Variants in ADGRD1 observed in about 807,000 individuals in gnomAD.
The protein encoded by ADGRD1 is G-protein coupled receptor 133.
Under a neutral mutation model 113.4 loss-of-function variants are expected in ADGRD1, and 77 were observed. That is an observed-to-expected ratio of 0.68 (90% CI 0.57 to 0.82). The LOEUF (loss-of-function observed/expected upper bound fraction) is 0.82. ADGRD1 is among the 40% of genes least tolerant of loss of function. The pLI, the probability that ADGRD1 is intolerant of heterozygous loss-of-function variation, is 0.00. For synonymous variants in ADGRD1, 474 were observed against 475.0 expected (o/e 1.00, Z 0.03); for missense variants, 1,036 against 1,139.1 (o/e 0.91, Z 1.30).
At position 131,022,954 on chromosome 12, in the gene ADGRD1, A is replaced by C. The variant is rs949710036; in HGVS notation, c.1473+8614A>C. 4 of 151,704 alleles carry C rather than the reference A, an allele frequency of 2.6e-5. No individual in the cohort carries two copies. Among genetic ancestry groups the C allele is most frequent in the Non-Finnish European group, 5.9e-5 (4 of 67,948 alleles). 9.4% of individuals were successfully genotyped at this position (151,704 alleles called of 1,614,324 possible). On this transcript the variant is annotated intron_variant, in intron 13 of 24. Coordinates refer to ENST00000261654, the MANE Select transcript of ADGRD1 (RefSeq NM_198827.5). The surrounding 1 kb of genome is among the most constrained non-coding windows in gnomAD (Gnocchi z 4.6). ...TGTTGCAAACTAGGATTGCATTCTG[A>C]TACCTGTTTCTGGTCTAAGACTGTG...
At chr12:131,095,960 G>A (rs1481659425) in intron 15 of ADGRD1, among the ~76,000 whole-genome samples, 1 of 152,094 alleles carries the variant, frequency 6.6e-6, no homozygotes, top group Non-Finnish European at 1.5e-5. Context: ...ACAGAAGGCA[G>A]AGTGTGGAAA....
chr12:131,006,061 G>A lies in ADGRD1; in HGVS notation c.1331+14G>A. 6.2e-7 allele frequency: 1 copy of A among 1,611,174 alleles called. No homozygotes were observed. The highest frequency in any genetic ancestry group is 8.5e-7 in the Non-Finnish European group (1 of 1,178,714). On this transcript the variant is annotated intron_variant, in intron 12 of 24. Coordinates refer to ENST00000261654, the MANE Select transcript of ADGRD1 (RefSeq NM_198827.5). ...CGCCCACACCAAGTGAGTCTCGGGG[G>A]TGCTCAGCTCAGGGGCGTGGGTGTG...
At chr12:131,104,419 G>A (rs1260149292) in intron 15 of ADGRD1, among the ~76,000 whole-genome samples, 1 of 152,204 alleles carries the variant, frequency 6.6e-6, no homozygotes, top group African/African-American at 2.4e-5. Context: ...TCACAGCCGA[G>A]TGTCACATGG....
At chr12:131,013,521 G>T (rs536580860) in intron 12 of ADGRD1, among the ~76,000 whole-genome samples, 34 of 152,278 alleles carry the variant, frequency 2.2e-4, no homozygotes, top group African/African-American at 8.2e-4. Context: ...TGGATTGGGT[G>T]TCATTCCTAA....
chr12:131,019,333 C>T (rs983748872), intron 13 of ADGRD1, among the ~76,000 whole-genome samples: 1 of 152,170 alleles, frequency 6.6e-6, no homozygotes, highest in African/African-American at 2.4e-5. Flanking sequence ...GAGGCCTTTC[C>T]AGCAGTTCCA....
At chr12:131,000,610 G>A (rs947304747) in intron 9 of ADGRD1, among the ~76,000 whole-genome samples, 168 bp downstream of exon 9, 2 of 151,920 alleles carry the variant, frequency 1.3e-5, no homozygotes, top group Admixed American at 6.6e-5. Context: ...GCGTGGTGGC[G>A]GGCACCTGTA....
At chr12:131,048,044 C>A (rs1883016726) in intron 13 of ADGRD1, among the ~76,000 whole-genome samples, 1 of 152,196 alleles carries the variant, frequency 6.6e-6, no homozygotes, top group Non-Finnish European at 1.5e-5. Flanking sequence ...GGGTTGGGGG[C>A]TTCACATGTG....
At chr12:131,088,928 CAG>C (rs1593192968) in intron 15 of ADGRD1, among the ~76,000 whole-genome samples, 1 of 152,166 alleles carries the variant, frequency 6.6e-6, no homozygotes, top group East Asian at 1.9e-4. Flanking sequence ...TGTGAAGATG[CAG>C]ACCCCACATT....
At chr12:131,028,068 G>A (rs1387007125) in intron 13 of ADGRD1, 1 of 152,178 alleles carries the variant, frequency 6.6e-6, no homozygotes, top group African/African-American at 2.4e-5. Context: ...CTTCTCCAGA[G>A]CGGGCACTGG....
chr12:131,087,359 G>C (rs903958715), intron 15 of ADGRD1, among the ~76,000 whole-genome samples: 6 of 152,172 alleles, frequency 3.9e-5, no homozygotes, highest in Non-Finnish European at 8.8e-5. Context: ...ACGTGCTTTG[G>C]AGCCTGGACC....
chr12:130,987,751 G>A (rs564024319), intron 6 of ADGRD1: 5 of 226,762 alleles, frequency 2.2e-5, no homozygotes, highest in Admixed American at 1.0e-4. Context: ...GCAGTTGTTC[G>A]GGGCAGGGGC....
chr12:131,118,836 G>A (rs1310574387), intron 19 of ADGRD1, among the ~76,000 whole-genome samples: 1 of 152,216 alleles, frequency 6.6e-6, no homozygotes, highest in Admixed American at 6.5e-5. Flanking sequence ...TGTGCAGACC[G>A]TGTGCCCAGT....
At chr12:131,109,499 C>T (rs771092376) in intron 18 of ADGRD1, among the ~76,000 whole-genome samples, 3 of 152,060 alleles carry the variant, frequency 2.0e-5, no homozygotes, top group Non-Finnish European at 2.9e-5. Flanking sequence ...TTATTTGACC[C>T]ATTGATTATT....
rs1443034229 is a variant in ADGRD1, at chr12:131,060,424, A to G, written c.1474-16377A>G. ...GCAAATAATCCACGCAGGCAGCGAC[A>G]GCAGGGGTCATGTTCAAAAGACCCA... On this transcript the variant is annotated intron_variant, in intron 13 of 24. Transcript: ENST00000261654. This position sits in a 1 kb window ranked among gnomAD's most constrained non-coding sequence, Gnocchi z 4.4. Among the ~76,000 whole-genome samples, 2 of 152,230 alleles carry G rather than the reference A, an allele frequency of 1.3e-5. No individual in the cohort carries two copies. The highest frequency in any genetic ancestry group is 2.9e-5 in the Non-Finnish European group (2 of 68,036).
intron 16 of ADGRD1, 54 bp from the exon 17 acceptor site, chr12:131,105,700 T>C (rs914224938): frequency 1.4e-6 from 2 of 1,404,996 alleles, no homozygotes; most frequent in African/African-American, 1.4e-5. Flanking sequence ...GAGCCCAGCC[T>C]GGGGGACTGG....
intron 20 of ADGRD1, among the ~76,000 whole-genome samples, chr12:131,129,357 G>A: frequency 7.4e-6 from 1 of 135,888 alleles, no homozygotes; most frequent in South Asian, 2.5e-4. Flanking sequence ...GGGTGTGAGT[G>A]ACAGGCTGGC....
At chr12:131,047,084 G>A (rs1262359970) in intron 13 of ADGRD1, among the ~76,000 whole-genome samples, 2 of 150,330 alleles carry the variant, frequency 1.3e-5, no homozygotes, top group Non-Finnish European at 3.0e-5. Context: ...TCCCTGGTCA[G>A]TGCTCCCTCC....
At chr12:131,072,277 C>A in intron 13 of ADGRD1, among the ~76,000 whole-genome samples, 1 of 152,172 alleles carries the variant, frequency 6.6e-6, no homozygotes, top group East Asian at 1.9e-4. Flanking sequence ...CCAGTTCACA[C>A]TGGATGGTGG....
At chr12:131,086,987 C>T (rs1364588186) in intron 15 of ADGRD1, among the ~76,000 whole-genome samples, 1 of 152,192 alleles carries the variant, frequency 6.6e-6, no homozygotes, top group African/African-American at 2.4e-5. Flanking sequence ...CTCACTACAG[C>T]CTTGAACTCC....
Sources: allele counts gnomAD v4.1 joint callset (sites outside exome capture counted in the v4.1 genomes callset), GRCh38; gene constraint gnomAD v4.1.1; non-coding constraint Gnocchi (gnomAD v3.1); transcripts MANE v1.5; gene names NCBI Gene and HGNC (gene_info 2026-07-23, HGNC 2026-07-21).